The following FSIP1 variants were observed in gnomAD, a reference collection of about 807,000 sequenced individuals.
FSIP1 encodes the protein fibrous sheath-interacting protein 1.
Under a neutral mutation model 60.9 loss-of-function variants are expected in FSIP1, and 65 were observed. The ratio of observed to expected loss-of-function variants is 1.07; its 90% confidence interval spans 0.87 to 1.31. The LOEUF (loss-of-function observed/expected upper bound fraction) is 1.31. Ranked by LOEUF, FSIP1 falls within the 40% of genes most tolerant of loss-of-function variation. The pLI is 0.00. For missense variants in FSIP1, 675 were observed against 665.5 expected (o/e 1.01, Z -0.16); for synonymous variants, 209 against 221.2 (o/e 0.94, Z 0.49).
At chr15:39,740,048 T>G (rs1441437410) in intron 6 of FSIP1, among the ~76,000 whole-genome samples, 1 of 152,202 alleles carries the variant, frequency 6.6e-6, no homozygotes, top group African/African-American at 2.4e-5. Flanking sequence ...TCCTGTTGAT[T>G]CCATGAGAAT....
At chr15:39,724,392 C>T (rs2140586144) in intron 9 of FSIP1, among the ~76,000 whole-genome samples, 1 of 152,162 alleles carries the variant, frequency 6.6e-6, no homozygotes, top group East Asian at 1.9e-4. Flanking sequence ...GCTGGGACTA[C>T]AGGCACCCGC....
At chr15:39,705,514 A>G (rs1032783396) in intron 10 of FSIP1, among the ~76,000 whole-genome samples, 40 of 152,130 alleles carry the variant, frequency 2.6e-4, no homozygotes, top group African/African-American at 9.4e-4. Flanking sequence ...CCCTTTCTTT[A>G]GGAATAAAGG....
At chr15:39,716,650 G>A (rs114618318) in intron 9 of FSIP1, among the ~76,000 whole-genome samples, 2,056 of 152,164 alleles carry the variant, frequency 0.014, 50 homozygotes, top group African/African-American at 0.047. Flanking sequence ...CTGGGGAAAT[G>A]CAATTAAACC....
chr15:39,767,490 C>A (rs1283560911), intron 3 of FSIP1, among the ~76,000 whole-genome samples: 1 of 152,206 alleles, frequency 6.6e-6, no homozygotes, highest in Non-Finnish European at 1.5e-5. Context: ...AGGGCTCCAC[C>A]CTTGGGCCTG....
chr15:39,749,187 A>G (rs1897088136), intron 5 of FSIP1, among the ~76,000 whole-genome samples: 1 of 145,984 alleles, frequency 6.9e-6, no homozygotes, highest in African/African-American at 2.5e-5. Flanking sequence ...AGAAAACCCC[A>G]CGACCAGATG....
intron 10 of FSIP1, among the ~76,000 whole-genome samples, chr15:39,708,577 T>C (rs1895372016): frequency 6.6e-6 from 1 of 151,976 alleles, no homozygotes. Flanking sequence ...ACCAAACCAC[T>C]CCCCTTCCCT....
intron 8 of FSIP1, among the ~76,000 whole-genome samples, chr15:39,728,984 G>GA (rs1017412654): frequency 6.6e-6 from 1 of 152,014 alleles, no homozygotes; most frequent in South Asian, 2.1e-4. Flanking sequence ...ACAAGCATAT[G>GA]AAAAAAACGC....
chr15:39,632,026 T>C (rs985429110), intron 10 of FSIP1, among the ~76,000 whole-genome samples: 1 of 152,210 alleles, frequency 6.6e-6, no homozygotes, highest in African/African-American at 2.4e-5. Context: ...GAGTCACTTA[T>C]TTAGAATGGA....
chr15:39,763,857 A>AT lies in FSIP1; in HGVS notation c.522dup (p.Phe175IlefsTer9). 1 of 1,599,316 alleles carries AT rather than the reference A, an allele frequency of 6.3e-7. No homozygotes were observed. The highest frequency in any genetic ancestry group is 8.6e-7 in the Non-Finnish European group (1 of 1,167,150). ...TCAGAAACAGCAGTCAAAGATAAAA[A>AT]TTTTTTTGTATTTTCCATCTCCTCT... On this transcript the variant is annotated frameshift_variant, in exon 5 of 12. Coordinates refer to ENST00000350221, the MANE Select transcript of FSIP1 (RefSeq NM_152597.5). LOFTEE classifies it high-confidence loss of function.
chr15:39,684,782 C>T (rs1894298877), intron 10 of FSIP1, among the ~76,000 whole-genome samples: 1 of 152,176 alleles, frequency 6.6e-6, no homozygotes, highest in Non-Finnish European at 1.5e-5. Flanking sequence ...AAATAGCTGA[C>T]TTGTATTGAT....
At chr15:39,686,329 C>CA (rs139979050) in intron 10 of FSIP1, among the ~76,000 whole-genome samples, 2,305 of 152,238 alleles carry the variant, frequency 0.015, 51 homozygotes, top group African/African-American at 0.053. Flanking sequence ...CTCACTTTAA[C>CA]AAAAAATAAA....
intron 1 of FSIP1, among the ~76,000 whole-genome samples, chr15:39,777,644 G>A (rs1566924030): frequency 6.6e-6 from 1 of 152,182 alleles, no homozygotes; most frequent in African/African-American, 2.4e-5. Context: ...GACCATTCCA[G>A]ATCTGTCCTG....
chr15:39,700,176 T>G (rs528310033), intron 10 of FSIP1, among the ~76,000 whole-genome samples: 14 of 152,358 alleles, frequency 9.2e-5, no homozygotes, highest in African/African-American at 2.9e-4. Context: ...TTCCAAAAGC[T>G]GGCCCTTTTC....
chr15:39,671,631 T>G (rs900982626), intron 10 of FSIP1, among the ~76,000 whole-genome samples: 4 of 152,210 alleles, frequency 2.6e-5, no homozygotes, highest in African/African-American at 9.6e-5. Flanking sequence ...TCTCTTGTGC[T>G]TAGTCTGAGG....
intron 9 of FSIP1, among the ~76,000 whole-genome samples, chr15:39,721,484 C>A (rs1025601903): frequency 6.6e-6 from 1 of 152,214 alleles, no homozygotes; most frequent in East Asian, 1.9e-4. Flanking sequence ...CACAGTTACT[C>A]CACAACTTGT....
intron 5 of FSIP1, among the ~76,000 whole-genome samples, chr15:39,759,723 T>C (rs978332142): frequency 6.6e-6 from 1 of 152,126 alleles, no homozygotes; most frequent in Non-Finnish European, 1.5e-5. Flanking sequence ...TCTAGAGGAA[T>C]TTCTGTTCCT....
chr15:39,756,131 T>G (rs1435012457), intron 5 of FSIP1, among the ~76,000 whole-genome samples: 2 of 152,196 alleles, frequency 1.3e-5, no homozygotes, highest in Non-Finnish European at 2.9e-5. Context: ...AAGGTTCAAA[T>G]GTGATATAAA....
At chr15:39,657,164 C>A (rs957618293) in intron 10 of FSIP1, among the ~76,000 whole-genome samples, 1 of 152,226 alleles carries the variant, frequency 6.6e-6, no homozygotes, top group African/African-American at 2.4e-5. Flanking sequence ...TTGCTACCCT[C>A]TGAGACAAGG....
At chr15:39,694,689 A>G (rs944102749) in intron 10 of FSIP1, among the ~76,000 whole-genome samples, 1 of 152,000 alleles carries the variant, frequency 6.6e-6, no homozygotes, top group Non-Finnish European at 1.5e-5. Flanking sequence ...AATCCCAGCT[A>G]CTCAGGAGGC....
Sources: gnomAD v4.1 joint callset for allele counts (sites outside exome capture counted in the v4.1 genomes callset) on GRCh38, gnomAD v4.1.1 for gene constraint, MANE v1.5 for transcripts, NCBI Gene and HGNC (gene_info 2026-07-23, HGNC 2026-07-21) for gene names.